Variants in PTPRD observed in about 807,000 individuals in gnomAD.
PTPRD encodes protein tyrosine phosphatase receptor type D.
Under a neutral mutation model 214.5 loss-of-function variants are expected in PTPRD, and 34 were observed. That is an observed-to-expected ratio of 0.16 (90% confidence interval 0.12 to 0.21). The LOEUF (loss-of-function observed/expected upper bound fraction) is 0.21. PTPRD is among the 10% of genes least tolerant of loss of function. The probability of loss-of-function intolerance (pLI) is 1.00; values close to 1 mark genes in which losing one functional copy is unlikely to be tolerated. For synonymous variants in PTPRD, 1,128 were observed against 845.7 expected (o/e 1.33, Z -5.79); for missense variants, 2,545 against 2,398.7 (o/e 1.06, Z -1.27).
intron 3 of PTPRD, among the ~76,000 whole-genome samples, chr9:10,050,090 A>C (rs1262216892): frequency 2.6e-5 from 4 of 152,130 alleles, no homozygotes; most frequent in African/African-American, 9.7e-5. Context: ...GTTCAAAATA[A>C]ATATCTGTCG....
chr9:8,635,378 A>G (rs552484977), intron 13 of PTPRD, among the ~76,000 whole-genome samples: 2 of 151,984 alleles, frequency 1.3e-5, no homozygotes, highest in Admixed American at 1.3e-4. Flanking sequence ...ATGCATACAT[A>G]CATCATTTTC....
intron 25 of PTPRD, 98 bp from the exon 26 acceptor site, chr9:8,497,366 T>A (rs1192988166): frequency 2.9e-6 from 3 of 1,036,516 alleles, no homozygotes; most frequent in Non-Finnish European, 4.1e-6. Context: ...ATTAAAAAAA[T>A]CAAAAAAATA....
intron 31 of PTPRD, among the ~76,000 whole-genome samples, chr9:8,467,656 G>A (rs1351989185): frequency 1.3e-5 from 2 of 151,644 alleles, no homozygotes; most frequent in Admixed American, 6.6e-5. Context: ...GAAATATAAT[G>A]TTTAAGCTCT....
intron 11 of PTPRD, among the ~76,000 whole-genome samples, chr9:8,948,495 ATATATATATT>A: frequency 2.0e-5 from 1 of 49,862 alleles, no homozygotes; most frequent in African/African-American, 8.3e-5. Flanking sequence ...ATATATATTT[ATATATATATT>A]TATATATATA....
chr9:8,806,252 CG>C (rs5896261), intron 11 of PTPRD, among the ~76,000 whole-genome samples: 19,774 of 106,594 alleles, frequency 0.19, 1,445 homozygotes, highest in African/African-American at 0.24. Flanking sequence ...TTTGGTGGGG[CG>C]GGGGGGGGAT....
intron 9 of PTPRD, among the ~76,000 whole-genome samples, chr9:9,324,311 G>T (rs970227565): frequency 6.6e-6 from 1 of 152,174 alleles, no homozygotes; most frequent in Non-Finnish European, 1.5e-5. Context: ...CACCAACAGT[G>T]TAAAAGCATT....
rs558809994 is a variant in PTPRD at position 8,670,436 on chromosome 9, T to G, written c.65-33592A>C. 4.5e-4 allele frequency among the ~76,000 whole-genome samples: 69 copies of G among 152,288 alleles called. 1 individual carries two copies. Among genetic ancestry groups the G allele is most frequent in the African/African-American group, 1.6e-3 (67 of 41,564 alleles). ...TTGAATGTATGGATTATAGTCTACATGTAAGTGAGATCATGCAATATTTTG... is the reference window on the plus strand; with the variant it reads ...TTGAATGTATGGATTATAGTCTACAGGTAAGTGAGATCATGCAATATTTTG... On this transcript the variant is annotated intron_variant, in intron 12 of 45. Transcript: ENST00000381196.
At chr9:9,837,956 C>T (rs1163336224) in intron 5 of PTPRD, among the ~76,000 whole-genome samples, 2 of 152,010 alleles carry the variant, frequency 1.3e-5, no homozygotes. Context: ...GTATGATGTT[C>T]CCCTTCCTGT....
At chr9:10,533,533 GT>G (rs35625073) in intron 2 of PTPRD, among the ~76,000 whole-genome samples, 37,713 of 148,688 alleles carry the variant, frequency 0.25, 5,223 homozygotes, top group Non-Finnish European at 0.32. Flanking sequence ...AATTTTTGGT[GT>G]TTTTTTTTCA....
intron 3 of PTPRD, among the ~76,000 whole-genome samples, chr9:10,332,221 T>C (rs889663569): frequency 6.6e-6 from 1 of 151,864 alleles, no homozygotes; most frequent in Non-Finnish European, 1.5e-5. Context: ...AACTATAATA[T>C]TGCAGAAGTT....
intron 10 of PTPRD, chr9:9,091,062 A>G: frequency 6.6e-7 from 1 of 1,522,068 alleles, no homozygotes; most frequent in East Asian, 2.2e-5. Context: ...ACATTTCTGA[A>G]GCGAGCGTCT....
intron 8 of PTPRD, among the ~76,000 whole-genome samples, chr9:9,404,012 G>T (rs10121105): frequency 0.018 from 2,745 of 152,116 alleles, 77 homozygotes; most frequent in African/African-American, 0.062. Flanking sequence ...TTTATGTAAA[G>T]GAACAGTTAG....
intron 11 of PTPRD, among the ~76,000 whole-genome samples, chr9:8,776,543 C>G (rs537419492): frequency 4.6e-5 from 7 of 150,618 alleles, no homozygotes; most frequent in Non-Finnish European, 2.9e-5. Flanking sequence ...AGCGATCTGC[C>G]GGCCTCCCAA....
chr9:10,536,094 T>G (rs958638847), intron 2 of PTPRD, among the ~76,000 whole-genome samples: 1 of 152,090 alleles, frequency 6.6e-6, no homozygotes, highest in Admixed American at 6.6e-5. Flanking sequence ...AGACTACTGT[T>G]TAGATTCCTG....
chr9:10,358,798 A>T (rs1339367393), intron 2 of PTPRD, among the ~76,000 whole-genome samples: 1 of 152,012 alleles, frequency 6.6e-6, no homozygotes, highest in Non-Finnish European at 1.5e-5. Flanking sequence ...TCATTAAAAT[A>T]AGTCCACTAA....
chr9:9,603,842 A>AT (rs33988009), intron 7 of PTPRD, among the ~76,000 whole-genome samples: 114 of 149,878 alleles, frequency 7.6e-4, no homozygotes, highest in East Asian at 1.4e-3. Flanking sequence ...TGTGAAATAC[A>AT]TTTTTTTTTT....
rs575797843 is a variant in PTPRD at position 9,747,013 on chromosome 9, A to C, written c.-325-12442T>G. Among the ~76,000 whole-genome samples the C allele has an allele frequency of 1.8e-4, 27 of 152,274 alleles. 1 individual carries two copies. Among genetic ancestry groups the C allele is most frequent in the Middle Eastern group, 3.4e-3 (1 of 294 alleles). ...TAACATGTTAAACAGTTAAAAATTCACCTGAGCCTCCTAGAAATGTGGAAG... is the reference window on the plus strand; with the variant it reads ...TAACATGTTAAACAGTTAAAAATTCCCCTGAGCCTCCTAGAAATGTGGAAG... On this transcript the variant is annotated intron_variant, in intron 6 of 45. Coordinates refer to ENST00000381196, the MANE Select transcript of PTPRD (RefSeq NM_002839.4).
intron 7 of PTPRD, among the ~76,000 whole-genome samples, chr9:9,712,151 A>G (rs1595810987): frequency 1.3e-5 from 2 of 152,330 alleles, no homozygotes; most frequent in African/African-American, 2.4e-5. Flanking sequence ...TTATAACAAT[A>G]AGAGTATCCA....
intron 10 of PTPRD, among the ~76,000 whole-genome samples, chr9:9,152,781 G>T (rs766119211): frequency 6.6e-6 from 1 of 152,152 alleles, no homozygotes; most frequent in Non-Finnish European, 1.5e-5. Context: ...ATCTTTTCTG[G>T]CTGTTGAGTA....
Sources: allele counts gnomAD v4.1 joint callset (sites outside exome capture counted in the v4.1 genomes callset), GRCh38; gene constraint gnomAD v4.1.1; transcripts MANE v1.5; gene names NCBI Gene and HGNC (gene_info 2026-07-23, HGNC 2026-07-21).